Variants in NALF1 observed in about 807,000 individuals in gnomAD.
NALF1 encodes the protein family with sequence similarity 155 member A.
NALF1 carries 3 observed loss-of-function variants against 48.4 expected under a neutral mutation model. That is an observed-to-expected ratio of 0.06 (90% CI 0.03 to 0.16). The LOEUF is 0.16. Ranked by LOEUF, NALF1 falls within the 10% of genes least tolerant of loss-of-function variation. The pLI is 1.00. For missense variants in NALF1, 526 were observed against 571.5 expected, an observed-to-expected ratio of 0.92 and a Z score of 0.81; for synonymous variants, 262 against 245.7, an observed-to-expected ratio of 1.07 and a Z score of -0.62.
At chr13:107,522,953 G>A (rs1876295836) in intron 1 of NALF1, among the ~76,000 whole-genome samples, 2 of 151,980 alleles carry the variant, frequency 1.3e-5, no homozygotes, top group Non-Finnish European at 2.9e-5. Context: ...CTGCAAAAAT[G>A]ACATGTTGAA....
rs1381800198 is a variant in NALF1 at position 107,638,729 on chromosome 13, G to C, written c.915+226953C>G. Among the ~76,000 whole-genome samples, 9 of 152,168 alleles carry C rather than the reference G, an allele frequency of 5.9e-5. 1 individual carries two copies. The highest frequency in any genetic ancestry group is 3.3e-4 in the Admixed American group (5 of 15,256). On this transcript the variant is annotated intron_variant, in intron 1 of 2. Coordinates refer to ENST00000375915, the MANE Select transcript of NALF1 (RefSeq NM_001080396.3). ...GAAGAGCTGGTACCTGAATCATTCA[G>C]AAGACAGCTATCTGAAGATTTTGGA...
chr13:107,206,390 C>T (rs1879644089), intron 2 of NALF1, among the ~76,000 whole-genome samples: 1 of 152,092 alleles, frequency 6.6e-6, no homozygotes, highest in South Asian at 2.1e-4. Context: ...GACATGCATT[C>T]TCAGATATTT....
intron 1 of NALF1, among the ~76,000 whole-genome samples, chr13:107,225,207 C>T (rs1320278513): frequency 2.6e-5 from 4 of 152,098 alleles, no homozygotes; most frequent in Admixed American, 6.5e-5. Flanking sequence ...CGGGGTTTCA[C>T]CATGTTGGCC....
chr13:107,819,470 C>T (rs1879289515), intron 1 of NALF1, among the ~76,000 whole-genome samples: 1 of 152,206 alleles, frequency 6.6e-6, no homozygotes, highest in Non-Finnish European at 1.5e-5. Context: ...TGGGACGCCC[C>T]ATGCTCTACA....
intron 1 of NALF1, among the ~76,000 whole-genome samples, chr13:107,386,420 C>A (rs932274481): frequency 2.0e-5 from 3 of 152,162 alleles, no homozygotes; most frequent in Non-Finnish European, 2.9e-5. Flanking sequence ...GGCTTTTACA[C>A]AACTGTTTCC....
intron 1 of NALF1, among the ~76,000 whole-genome samples, chr13:107,548,016 T>C (rs909587085): frequency 6.6e-6 from 1 of 152,028 alleles, no homozygotes; most frequent in Non-Finnish European, 1.5e-5. Context: ...CGTGCAGGTT[T>C]GTTATATAGG....
At chr13:107,659,417 T>C (rs1880670392) in intron 1 of NALF1, among the ~76,000 whole-genome samples, 1 of 152,186 alleles carries the variant, frequency 6.6e-6, no homozygotes, top group Admixed American at 6.5e-5. Context: ...TTAAAAAGTT[T>C]AGATCTAAAA....
chr13:107,691,782 G>A (rs1881574309), intron 1 of NALF1, among the ~76,000 whole-genome samples: 1 of 152,072 alleles, frequency 6.6e-6, no homozygotes, highest in East Asian at 1.9e-4. Flanking sequence ...AAAGAATAAT[G>A]TACAAAAATA....
At chr13:107,723,840 A>C (rs1444162193) in intron 1 of NALF1, among the ~76,000 whole-genome samples, 1 of 152,222 alleles carries the variant, frequency 6.6e-6, no homozygotes, top group Non-Finnish European at 1.5e-5. Flanking sequence ...TAGTTAGATA[A>C]ATCATTTCAT....
At chr13:107,198,603 A>G (rs1161406952) in intron 2 of NALF1, among the ~76,000 whole-genome samples, 1 of 152,206 alleles carries the variant, frequency 6.6e-6, no homozygotes, top group Non-Finnish European at 1.5e-5. Context: ...AACATTGAAT[A>G]TGTCTGTTTT....
chr13:107,632,923 A>AAAG (rs397950637), intron 1 of NALF1, among the ~76,000 whole-genome samples: 1 of 150,422 alleles, frequency 6.6e-6, no homozygotes, highest in Non-Finnish European at 1.5e-5. Flanking sequence ...AAAAAAAAAA[A>AAAG]GGAATGGCAA....
chr13:107,588,529 A>G (rs1468384842), intron 1 of NALF1, among the ~76,000 whole-genome samples: 1 of 152,126 alleles, frequency 6.6e-6, no homozygotes, highest in Non-Finnish European at 1.5e-5. Context: ...GACAGAATGA[A>G]GTCATCAAAG....
chr13:107,809,983 C>T (rs554767954), intron 1 of NALF1, among the ~76,000 whole-genome samples: 39 of 152,002 alleles, frequency 2.6e-4, no homozygotes, highest in Non-Finnish European at 5.3e-4. Context: ...TTCTTCTTCT[C>T]TCCTATTTTA....
intron 1 of NALF1, among the ~76,000 whole-genome samples, chr13:107,333,955 G>C (rs1882512995): frequency 6.6e-6 from 1 of 151,922 alleles, no homozygotes; most frequent in South Asian, 2.1e-4. Context: ...CTTTATTTTT[G>C]TATATTTTCC....
intron 1 of NALF1, among the ~76,000 whole-genome samples, chr13:107,237,265 T>G (rs537254485): frequency 3.3e-5 from 5 of 151,390 alleles, no homozygotes; most frequent in African/African-American, 1.2e-4. Flanking sequence ...AGTTAAACTA[T>G]GTCAATAGTT....
intron 1 of NALF1, among the ~76,000 whole-genome samples, chr13:107,290,198 A>C (rs9558997): frequency 8.0e-5 from 12 of 149,096 alleles, no homozygotes; most frequent in African/African-American, 2.5e-4. Flanking sequence ...AAAAAAAAAA[A>C]CCAGAAATAC....
intron 1 of NALF1, among the ~76,000 whole-genome samples, chr13:107,293,115 G>GGACTACA (rs1469129795): frequency 6.6e-6 from 1 of 150,894 alleles, no homozygotes; most frequent in Non-Finnish European, 1.5e-5. Flanking sequence ...CGAGCAGCTG[G>GGACTACA]GACTACAGGC....
intron 1 of NALF1, among the ~76,000 whole-genome samples, chr13:107,525,800 T>C (rs757895114): frequency 6.6e-6 from 1 of 152,150 alleles, no homozygotes; most frequent in South Asian, 2.1e-4. Flanking sequence ...ATTGTCTATA[T>C]TTAAGTGTCT....
intron 1 of NALF1, among the ~76,000 whole-genome samples, chr13:107,526,184 A>G (rs1311948265): frequency 1.3e-5 from 2 of 152,086 alleles, no homozygotes; most frequent in Admixed American, 6.6e-5. Flanking sequence ...TGTAAGAGCT[A>G]CTACTTCTCC....
Sources: allele counts gnomAD v4.1 joint callset (sites outside exome capture counted in the v4.1 genomes callset), GRCh38; gene constraint gnomAD v4.1.1; transcripts MANE v1.5; gene names NCBI Gene and HGNC (gene_info 2026-07-23, HGNC 2026-07-21).